The following SORBS2 variants were observed in gnomAD, a reference collection of about 807,000 sequenced individuals.
The protein encoded by SORBS2 is sorbin and SH3 domain-containing protein 2.
SORBS2 carries 46 observed loss-of-function variants against 97.7 expected under a neutral mutation model. The ratio of observed to expected loss-of-function variants is 0.47; its 90% CI spans 0.37 to 0.60. The LOEUF (loss-of-function observed/expected upper bound fraction) is 0.60, where lower values mean the gene tolerates loss of function less well. SORBS2 is among the 20% of genes least tolerant of loss of function. The probability of loss-of-function intolerance (pLI) is 0.00; values close to 1 mark genes in which losing one functional copy is unlikely to be tolerated. For synonymous variants in SORBS2, 476 were observed against 473.4 expected, an observed-to-expected ratio of 1.01 and a Z score of -0.07; for missense variants, 1,316 against 1,282.3, an observed-to-expected ratio of 1.03 and a Z score of -0.40.
At chr4:185,624,827 A>G (rs910072233) in intron 6 of SORBS2, among the ~76,000 whole-genome samples, 1 of 152,238 alleles carries the variant, frequency 6.6e-6, no homozygotes, top group African/African-American at 2.4e-5. Context: ...CCAAAACACA[A>G]TAGTGCTGCT....
chr4:185,690,223 C>T (rs539817323), intron 2 of SORBS2, among the ~76,000 whole-genome samples: 1 of 152,194 alleles, frequency 6.6e-6, no homozygotes, highest in Non-Finnish European at 1.5e-5. Flanking sequence ...TCTTCTAGAG[C>T]AACTTGCCTT....
chr4:185,739,620 A>C lies in SORBS2; in HGVS notation c.-198+35607T>G, dbSNP rs10010184. Reference sequence around the variant, plus strand: ...TCAGGATGAGGGCTTCTGGTCCTTTAGAAATGGTTCCCTCTAAGCTTCTTG... The same window carrying C: ...TCAGGATGAGGGCTTCTGGTCCTTTCGAAATGGTTCCCTCTAAGCTTCTTG... On this transcript the variant is annotated intron_variant, in intron 2 of 20. Coordinates refer to the SORBS2 transcript ENST00000284776. Among the ~76,000 whole-genome samples, 861 of 152,296 alleles carry C rather than the reference A, an allele frequency of 5.7e-3. 14 individuals are homozygous for C. The highest frequency in any genetic ancestry group is 0.031 in the East Asian group (162 of 5,176).
intron 12 of SORBS2, among the ~76,000 whole-genome samples, chr4:185,605,135 G>T (rs1263901125): frequency 6.6e-6 from 1 of 152,198 alleles, no homozygotes. Flanking sequence ...TGCAGGCCTG[G>T]CCGGGTTATT....
chr4:185,746,985 A>G (rs1442110520), intron 2 of SORBS2, among the ~76,000 whole-genome samples: 1 of 152,190 alleles, frequency 6.6e-6, no homozygotes, highest in Non-Finnish European at 1.5e-5. Flanking sequence ...GCCTTAATCC[A>G]ATCTAGCTGG....
chr4:185,767,128 A>T (rs2098938410), intron 2 of SORBS2, among the ~76,000 whole-genome samples: 1 of 152,082 alleles, frequency 6.6e-6, no homozygotes, highest in Non-Finnish European at 1.5e-5. Flanking sequence ...TCTCTCAGTG[A>T]AGTACAGAAA....
At chr4:185,748,321 C>T (rs934717899) in intron 2 of SORBS2, among the ~76,000 whole-genome samples, 3 of 152,122 alleles carry the variant, frequency 2.0e-5, no homozygotes, top group Admixed American at 6.5e-5. Context: ...AGGAGCCCCG[C>T]GTATTCTTCA....
At chr4:185,928,211 G>T (rs2099264666) in intron 1 of SORBS2, among the ~76,000 whole-genome samples, 2 of 152,052 alleles carry the variant, frequency 1.3e-5, no homozygotes, top group South Asian at 4.2e-4. Flanking sequence ...TTCAATACCA[G>T]CCTGGGCAAC....
intron 2 of SORBS2, among the ~76,000 whole-genome samples, chr4:185,694,086 C>T (rs1561956268): frequency 3.9e-5 from 6 of 152,166 alleles, no homozygotes. Context: ...AACCGAAAGG[C>T]TTCTTGGGTG....
chr4:185,663,169 C>T (rs982886163), intron 4 of SORBS2, among the ~76,000 whole-genome samples: 4 of 152,160 alleles, frequency 2.6e-5, no homozygotes. Flanking sequence ...TAAGATCAAA[C>T]ATTAGTAAGA....
intron 2 of SORBS2, among the ~76,000 whole-genome samples, chr4:185,694,530 T>G (rs1383377437): frequency 6.6e-6 from 1 of 152,170 alleles, no homozygotes; most frequent in Non-Finnish European, 1.5e-5. Context: ...TCCTAATTTG[T>G]GACAACAATG....
chr4:185,925,221 ACAGT>A (rs902945170), intron 1 of SORBS2, among the ~76,000 whole-genome samples: 25 of 152,200 alleles, frequency 1.6e-4, no homozygotes, highest in Non-Finnish European at 3.2e-4. Context: ...TTTCCCTAAA[ACAGT>A]CATTCTTCTT....
chr4:185,685,337 A>T (rs1185836378), intron 2 of SORBS2, among the ~76,000 whole-genome samples: 1 of 152,180 alleles, frequency 6.6e-6, no homozygotes, highest in Non-Finnish European at 1.5e-5. Context: ...TAATTCTTGC[A>T]GTAAAAATTA....
At chr4:185,955,830 C>T (rs116745129) in intron 1 of SORBS2, among the ~76,000 whole-genome samples, 395 of 152,216 alleles carry the variant, frequency 2.6e-3, no homozygotes, top group South Asian at 6.4e-3. Context: ...ATTGCAGCAA[C>T]CTTTGAGATA....
chr4:185,727,427 A>G (rs981035184), intron 2 of SORBS2, among the ~76,000 whole-genome samples: 4 of 152,208 alleles, frequency 2.6e-5, no homozygotes, highest in African/African-American at 9.6e-5. Flanking sequence ...TGACTTTTTA[A>G]CTATACGTTT....
rs191151575 is a variant in SORBS2, at chr4:185,906,900, C to T, written c.-338+49296G>A. ...CAGCACTTTGGGAGGCCAAGGCAGG[C>T]GGATCACCTGAGGTCAGGAGTTCAA... On this transcript the variant is annotated intron_variant, in intron 1 of 20. Coordinates refer to the SORBS2 transcript ENST00000284776. 4.6e-3 allele frequency among the ~76,000 whole-genome samples: 701 copies of T among 152,148 alleles called. 7 individuals carry two copies. The highest frequency in any genetic ancestry group is 0.016 in the African/African-American group (667 of 41,516).
In SORBS2 at chr4:185,949,816, G is replaced by A. The variant is rs114588708; in HGVS notation, c.-338+6380C>T. 4.3e-3 allele frequency among the ~76,000 whole-genome samples: 656 copies of A among 152,228 alleles called. 8 individuals are homozygous for A. The highest frequency in any genetic ancestry group is 0.015 in the African/African-American group (605 of 41,530). ...TTGGGAACTATAACTGACAACAATA[G>A]CATCCTCACAATGCTCACTGACTTT... On this transcript the variant is annotated intron_variant, in intron 1 of 20. Transcript: ENST00000284776.
chr4:185,621,263 A>G (rs1000109025), intron 7 of SORBS2, among the ~76,000 whole-genome samples: 6 of 152,226 alleles, frequency 3.9e-5, no homozygotes, highest in African/African-American at 1.4e-4. Context: ...ATATACTTTT[A>G]TGATCATAGG....
chr4:185,766,384 A>C (rs2098934200), intron 2 of SORBS2, among the ~76,000 whole-genome samples: 1 of 152,212 alleles, frequency 6.6e-6, no homozygotes, highest in South Asian at 2.1e-4. Context: ...TCCCATTCTT[A>C]ACCATGGTCT....
intron 4 of SORBS2, among the ~76,000 whole-genome samples, chr4:185,633,739 C>A (rs1191947409): frequency 6.6e-6 from 1 of 151,498 alleles, no homozygotes; most frequent in Non-Finnish European, 1.5e-5. Context: ...TTTTCTGCCA[C>A]TATCTTACCA....
Sources: gnomAD v4.1 joint callset for allele counts (sites outside exome capture counted in the v4.1 genomes callset) on GRCh38, gnomAD v4.1.1 for gene constraint, MANE v1.5 for transcripts, NCBI Gene and HGNC (gene_info 2026-07-23, HGNC 2026-07-21) for gene names.